The following GRB10 variants were observed in gnomAD, a reference collection of about 807,000 sequenced individuals.
GRB10 encodes the protein growth factor receptor-bound protein 10.
Under a neutral mutation model 80.9 loss-of-function variants are expected in GRB10, and 20 were observed. The ratio of observed to expected loss-of-function variants is 0.25; its 90% CI spans 0.17 to 0.36. The LOEUF (loss-of-function observed/expected upper bound fraction) is 0.36. Ranked by LOEUF, GRB10 falls within the 10% of genes least tolerant of loss-of-function variation. The pLI is 1.00. For synonymous variants in GRB10, 291 were observed against 291.5 expected (o/e 1.00, Z 0.02); for missense variants, 548 against 747.7 (o/e 0.73, Z 3.12).
At chr7:50,680,113 G>A (rs2061385571) in intron 5 of GRB10, among the ~76,000 whole-genome samples, 1 of 152,112 alleles carries the variant, frequency 6.6e-6, no homozygotes, top group African/African-American at 2.4e-5. Flanking sequence ...AAACACAAAA[G>A]CAAACCACCT....
intron 7 of GRB10, among the ~76,000 whole-genome samples, chr7:50,648,380 G>A (rs2057535961): frequency 6.6e-6 from 1 of 152,158 alleles, no homozygotes; most frequent in African/African-American, 2.4e-5. Context: ...AGCACAGTGG[G>A]GACAAAAGCT....
chr7:50,745,291 T>C (rs1386979012), intron 3 of GRB10, among the ~76,000 whole-genome samples: 2 of 152,254 alleles, frequency 1.3e-5, no homozygotes, highest in South Asian at 2.1e-4. Flanking sequence ...TGTTCTCTGA[T>C]ATATTAATAT....
chr7:50,687,628 T>C (rs1282040022), intron 5 of GRB10, among the ~76,000 whole-genome samples: 1 of 152,220 alleles, frequency 6.6e-6, no homozygotes, highest in African/African-American at 2.4e-5. Context: ...CCATTTTGCA[T>C]GTCACTACCT....
At chr7:50,703,310 C>G (rs76267930) in intron 5 of GRB10, among the ~76,000 whole-genome samples, 5 of 152,166 alleles carry the variant, frequency 3.3e-5, no homozygotes, top group Non-Finnish European at 5.9e-5. Context: ...CCTCATCCTA[C>G]GGCAAAGCTT....
At chr7:50,688,553 C>T (rs981797226) in intron 5 of GRB10, among the ~76,000 whole-genome samples, 7 of 152,224 alleles carry the variant, frequency 4.6e-5, no homozygotes, top group East Asian at 3.9e-4. Context: ...AAATAAACAG[C>T]GGTTCCAGAA....
At chr7:50,719,304 A>T (rs2067346800) in intron 4 of GRB10, among the ~76,000 whole-genome samples, 2 of 152,190 alleles carry the variant, frequency 1.3e-5, no homozygotes, top group Admixed American at 1.3e-4. Flanking sequence ...ATGAAGGAGG[A>T]AAACAAGGCA....
chr7:50,642,147 G>T (rs1387940941), intron 7 of GRB10, among the ~76,000 whole-genome samples: 1 of 152,134 alleles, frequency 6.6e-6, no homozygotes, highest in African/African-American at 2.4e-5. Context: ...GAGCCTCAGA[G>T]GCCTAAGCAG....
At chr7:50,690,320 CAAAAA>C (rs5884162) in intron 5 of GRB10, among the ~76,000 whole-genome samples, 4 of 148,690 alleles carry the variant, frequency 2.7e-5, no homozygotes, top group African/African-American at 1.0e-4. Flanking sequence ...AACAAACAAA[CAAAAA>C]AAACAGAAAA....
intron 5 of GRB10, among the ~76,000 whole-genome samples, chr7:50,689,594 A>G (rs951878733): frequency 1.3e-5 from 2 of 152,092 alleles, no homozygotes; most frequent in Non-Finnish European, 2.9e-5. Context: ...AACACCACTG[A>G]AATGTCTGCT....
chr7:50,790,072 C>T (rs2078849177), intron 1 of GRB10, among the ~76,000 whole-genome samples: 1 of 152,164 alleles, frequency 6.6e-6, no homozygotes, highest in African/African-American at 2.4e-5. Context: ...GAGATCAGTT[C>T]AGAAGTGGTC....
intron 7 of GRB10, 96 bp downstream of exon 7, chr7:50,669,626 C>A: frequency 8.2e-7 from 1 of 1,225,634 alleles, no homozygotes; most frequent in Non-Finnish European, 1.2e-6. Flanking sequence ...CAGGACTTCC[C>A]GCCCTTCTTC....
chr7:50,678,820 G>A (rs1223702223), intron 5 of GRB10, among the ~76,000 whole-genome samples: 1 of 152,154 alleles, frequency 6.6e-6, no homozygotes, highest in East Asian at 1.9e-4. Flanking sequence ...ATTCTTGTCT[G>A]GTCCCATGAA....
At chr7:50,618,809 G>A (rs2051115855) in intron 9 of GRB10, among the ~76,000 whole-genome samples, 1 of 152,212 alleles carries the variant, frequency 6.6e-6, no homozygotes, top group Non-Finnish European at 1.5e-5. Flanking sequence ...AAATATATTT[G>A]CTATTTGCAG....
intron 4 of GRB10, among the ~76,000 whole-genome samples, chr7:50,709,388 G>A (rs1023246039): frequency 6.6e-6 from 1 of 152,178 alleles, no homozygotes; most frequent in Non-Finnish European, 1.5e-5. Context: ...GGGCGGCCGA[G>A]GGAGCCAGGC....
chr7:50,678,261 G>T (rs533576200), intron 5 of GRB10, among the ~76,000 whole-genome samples: 1 of 152,248 alleles, frequency 6.6e-6, no homozygotes, highest in African/African-American at 2.4e-5. Flanking sequence ...TCCTCAAAAT[G>T]CTTTTACTCT....
At position 50,664,358 on chromosome 7, in the gene GRB10, C is replaced by T. The variant is rs140893689; in HGVS notation, c.504+5364G>A. 7.8e-4 allele frequency among the ~76,000 whole-genome samples: 119 copies of T among 152,328 alleles called. 1 individual carries two copies. The highest frequency in any genetic ancestry group is 2.7e-3 in the African/African-American group (114 of 41,578). On this transcript the variant is annotated intron_variant, in intron 7 of 18. Transcript: ENST00000401949. ...AGCACCTGCAGGAAGAAAATGGCAC[C>T]CCACTCACCTTTCTCTCCTCTCCCA...
chr7:50,627,364 C>T (rs923800502), intron 7 of GRB10, among the ~76,000 whole-genome samples: 2 of 152,148 alleles, frequency 1.3e-5, no homozygotes, highest in Non-Finnish European at 2.9e-5. Flanking sequence ...AAAAAACAAG[C>T]AAGCAACAAC....
At chr7:50,787,774 CTG>C (rs1259439976), upstream of GRB10, among the ~76,000 whole-genome samples, 11 of 152,364 alleles carry the variant, frequency 7.2e-5, no homozygotes, top group East Asian at 1.9e-3. Flanking sequence ...GGAGGGGATT[CTG>C]TGAGATGCAC....
At chr7:50,780,365 C>A (rs577140321) in intron 2 of GRB10, among the ~76,000 whole-genome samples, 30 of 152,220 alleles carry the variant, frequency 2.0e-4, no homozygotes, top group Admixed American at 1.8e-3. Flanking sequence ...GACATGTGCT[C>A]CCAGACCTCC....
Sources: gnomAD v4.1 joint callset for allele counts (sites outside exome capture counted in the v4.1 genomes callset) on GRCh38, gnomAD v4.1.1 for gene constraint, MANE v1.5 for transcripts, NCBI Gene and HGNC (gene_info 2026-07-23, HGNC 2026-07-21) for gene names.